Variants in PF4V1 observed in about 807,000 individuals in gnomAD.
The protein encoded by PF4V1 is platelet factor 4 variant 1, also known as platelet factor 4 variant.
In PF4V1, 4 loss-of-function variants were observed where a neutral mutation model predicts 6.9. That is an observed-to-expected ratio of 0.58 (90% CI 0.29 to 1.34). The LOEUF is 1.34. PF4V1 is among the 40% of genes most tolerant of loss of function. PF4V1 has a pLI of 0.09. For missense variants in PF4V1, 127 were observed against 128.6 expected (o/e 0.99, Z 0.06); for synonymous variants, 68 against 55.9 (o/e 1.22, Z -0.97).
At position 73,853,420 on chromosome 4, in the gene PF4V1, T is replaced by C. The variant is rs1467790690; in HGVS notation, c.58T>C (p.Leu20=). ...TRATRQEMLF[L]ALLLLPVVVA... is the part of the protein sequence containing the mutation. Reference sequence around the variant, plus strand: ...CGCCACCCGCCAGGAGATGCTGTTCTTGGCGTTGCTGCTCCTGCCAGTTGT... The same window carrying C: ...CGCCACCCGCCAGGAGATGCTGTTCCTGGCGTTGCTGCTCCTGCCAGTTGT... Residue 20 remains leucine, a synonymous_variant, in exon 1 of 3, where the codon TTG becomes CTG. Transcript: ENST00000226524. 4 of 1,614,158 alleles carry C rather than the reference T, an allele frequency of 2.5e-6. No homozygotes were observed. The highest frequency in any genetic ancestry group is 3.4e-6 in the Non-Finnish European group (4 of 1,180,008).
chr4:73,854,024 T>C lies in PF4V1; in HGVS notation c.228-11T>C. On this transcript the variant is annotated splice_polypyrimidine_tract_variant and intron_variant, in intron 2 of 2. Transcript: ENST00000226524. ...GACTGAAAGTCACGTCTCTTCTCTTTTCCCTGCCAGAGCCACGCTGAAGAA... is the reference window on the plus strand; with the variant it reads ...GACTGAAAGTCACGTCTCTTCTCTTCTCCCTGCCAGAGCCACGCTGAAGAA... The C allele has an allele frequency of 6.2e-7, 1 of 1,614,038 alleles. No homozygotes were observed. The highest frequency in any genetic ancestry group is 1.1e-5 in the South Asian group (1 of 91,084).
At chr4:73,853,602 AGG>A in intron 1 of PF4V1, 140 bp downstream of exon 1, 1 of 1,265,844 alleles carries the variant, frequency 7.9e-7, no homozygotes, top group South Asian at 1.4e-5. Context: ...GTACAGTGCC[AGG>A]CACTGCACGT....
In PF4V1 at chr4:73,853,371, C is replaced by G. The variant is rs185136037; in HGVS notation, c.9C>G (p.Ser3=). The G allele has an allele frequency of 6.2e-7, 1 of 1,613,728 alleles. No individual in the cohort carries two copies. Among genetic ancestry groups the G allele is most frequent in the Non-Finnish European group, 8.5e-7 (1 of 1,179,780 alleles). The change falls in exon 1 of 3, where the codon TCC becomes TCG. Residue 3 remains serine, a synonymous_variant. Coordinates refer to ENST00000226524, the MANE Select transcript of PF4V1 (RefSeq NM_002620.4). ...GGAACCTCAGCTGCAACATGAGCTC[C>G]GCAGCCAGGTCCCGCCTCACCCGCG... MS[S]AARSRLTRAT...
Position 73,853,385 on chromosome 4 carries a change from G to T in PF4V1, c.23G>T (p.Arg8Leu), listed in dbSNP as rs1427676218. MSSAARSRLTRATRQEML... is the reference protein window; with the variant it reads MSSAARSLLTRATRQEML... ...AACATGAGCTCCGCAGCCAGGTCCC[G>T]CCTCACCCGCGCCACCCGCCAGGAG... The change falls in exon 1 of 3, where the codon CGC (arginine) becomes CTC (leucine). Residue 8 changes from arginine (R) to leucine (L), a missense_variant. Physicochemically the swap from Arg to Leu is moderately radical, Grantham distance 102. Coordinates refer to ENST00000226524, the MANE Select transcript of PF4V1 (RefSeq NM_002620.4). 1.2e-6 allele frequency: 2 copies of T among 1,614,026 alleles called. No individual in the cohort carries two copies. Among genetic ancestry groups the T allele is most frequent in the African/African-American group, 1.3e-5 (1 of 75,054 alleles).
At chr4:73,854,010 A>T in intron 2 of PF4V1, 25 bp from the exon 3 acceptor site, 1 of 1,613,542 alleles carries the variant, frequency 6.2e-7, no homozygotes, top group East Asian at 2.2e-5. Context: ...ACTGAAAGTC[A>T]CGTCTCTTCT....
rs1296482146 is a variant in PF4V1 at position 73,854,092 on chromosome 4, G to C, written c.285G>C (p.Lys95Asn). 6.2e-7 allele frequency: 1 copy of C among 1,614,130 alleles called. No homozygotes were observed. The stretch of plus-strand genomic sequence containing the variant: ...TGGATCTGCAAGCCCTGCTGTACAA[G>C]AAAATCATTAAGGAACATTTGGAGA... Reference protein sequence around the residue: ...ICLDLQALLYKKIIKEHLES With the variant: ...ICLDLQALLYNKIIKEHLES Residue 95 changes from lysine (K) to asparagine (N), a missense_variant, in exon 3 of 3, where the codon AAG becomes AAC. By Grantham distance (94) the Lys-to-Asn change is moderately conservative. Coordinates refer to ENST00000226524, the MANE Select transcript of PF4V1 (RefSeq NM_002620.4).
intron 2 of PF4V1, 23 bp from the exon 3 acceptor site, chr4:73,854,012 G>C (rs2233654): frequency 6.2e-7 from 1 of 1,611,908 alleles, no homozygotes; most frequent in Admixed American, 1.7e-5. Context: ...TGAAAGTCAC[G>C]TCTCTTCTCT....
At position 73,854,049 on chromosome 4, in the gene PF4V1, A is replaced by T. The variant is rs752224215; in HGVS notation, c.242A>T (p.Asn81Ile). ...PTAQLIATLK[N>I]GRKICLDLQA... ...TTCCCTGCCAGAGCCACGCTGAAGA[A>T]TGGGAGGAAAATTTGCTTGGATCTG... Residue 81 changes from asparagine to isoleucine, a missense_variant, in exon 3 of 3, where the codon AAT becomes ATT. Asn to Ile is a moderately radical substitution (Grantham distance 149). Transcript: ENST00000226524. The T allele has an allele frequency of 3.1e-6, 5 of 1,614,180 alleles. No individual in the cohort carries two copies. In the Admixed American group the frequency reaches 6.7e-5, roughly 22 times the overall value.
chr4:73,854,481 T>C lies in PF4V1; in HGVS notation c.*359T>C, dbSNP rs75241206. Among the ~76,000 whole-genome samples the C allele has an allele frequency of 4.4e-3, 458 of 104,926 alleles. No homozygotes were observed. The highest frequency in any genetic ancestry group is 6.9e-3 in the Non-Finnish European group (350 of 50,886). 68.8% of individuals were successfully genotyped at this position (104,926 alleles called of 152,430 possible). A position where few individuals can be genotyped will look rare whatever the true frequency, so the allele number is the denominator to read the frequency against. ...AATAAATATTAGTAGCTCTTAAGCATTACTCGACAGCTTTTTTTTTTTTCA... is the reference window on the plus strand; with the variant it reads ...AATAAATATTAGTAGCTCTTAAGCACTACTCGACAGCTTTTTTTTTTTTCA... On this transcript the variant is annotated 3_prime_UTR_variant, in exon 3 of 3. Transcript: ENST00000226524.
At position 73,853,433 on chromosome 4, in the gene PF4V1, T is replaced by G; in HGVS notation, c.71T>G (p.Leu24Arg). The G allele has an allele frequency of 1.2e-6, 2 of 1,614,000 alleles. No homozygotes were observed. The highest frequency in any genetic ancestry group is 1.7e-6 in the Non-Finnish European group (2 of 1,179,976). The change falls in exon 1 of 3, where the codon CTC becomes CGC. Residue 24 changes from leucine (L) to arginine (R), a missense_variant. By Grantham distance (102) the Leu-to-Arg change is moderately radical (BLOSUM62 -2). Transcript: ENST00000226524. The stretch of plus-strand genomic sequence containing the variant: ...GAGATGCTGTTCTTGGCGTTGCTGC[T>G]CCTGCCAGTTGTGGTCGCCTTCGCC... Reference protein sequence around the residue: ...RQEMLFLALLLLPVVVAFARA... With the variant: ...RQEMLFLALLRLPVVVAFARA...
intron 1 of PF4V1, among the ~76,000 whole-genome samples, 157 bp from the exon 2 acceptor site, chr4:73,853,626 C>T (rs970412855): frequency 1.3e-5 from 2 of 152,222 alleles, no homozygotes; most frequent in Non-Finnish European, 2.9e-5. Flanking sequence ...CACCTCGCCA[C>T]CTGATCAGCA....
intron 1 of PF4V1, 144 bp downstream of exon 1, chr4:73,853,606 A>C: frequency 1.6e-6 from 2 of 1,272,046 alleles, no homozygotes; most frequent in Non-Finnish European, 1.1e-6. Flanking sequence ...AGTGCCAGGC[A>C]CTGCACGTGC....
At chr4:73,853,760 T>A (rs771856997) in intron 1 of PF4V1, 23 bp from the exon 2 acceptor site, 18 of 1,595,672 alleles carry the variant, frequency 1.1e-5, no homozygotes, top group Non-Finnish European at 1.5e-5. Flanking sequence ...CCTCCTCTCT[T>A]ACTCCCTCCC....
chr4:73,854,193 T>C lies in PF4V1; in HGVS notation c.*71T>C. On this transcript the variant is annotated 3_prime_UTR_variant, in exon 3 of 3. Transcript: ENST00000226524. The stretch of plus-strand genomic sequence containing the variant: ...TCTTCTGATGTTTGTATTATCCTTC[T>C]TATATTATATTAACGAAATAAATCA... 2 of 1,033,904 alleles carry C rather than the reference T, an allele frequency of 1.9e-6. No individual in the cohort carries two copies. The highest frequency in any genetic ancestry group is 2.9e-5 in the South Asian group (2 of 68,354). The allele number at this position is 1,033,904 out of a possible 1,614,324, so 64.0% of individuals were successfully genotyped here. A position where few individuals can be genotyped will look rare whatever the true frequency, so the allele number is the denominator to read the frequency against.
At position 73,853,355 on chromosome 4, in the gene PF4V1, G is replaced by A; in HGVS notation, c.-8G>A. Reference sequence around the variant, plus strand: ...GCACTGGGATCCTGCTGGAACCTCAGCTGCAACATGAGCTCCGCAGCCAGG... The same window carrying A: ...GCACTGGGATCCTGCTGGAACCTCAACTGCAACATGAGCTCCGCAGCCAGG... On this transcript the variant is annotated 5_prime_UTR_variant, in exon 1 of 3. Transcript: ENST00000226524. 6.2e-7 allele frequency: 1 copy of A among 1,613,102 alleles called. No homozygotes were observed. The highest frequency in any genetic ancestry group is 8.5e-7 in the Non-Finnish European group (1 of 1,179,122).
chr4:73,853,478 A>G lies in PF4V1; in HGVS notation c.100+16A>G. 6.3e-7 allele frequency: 1 copy of G among 1,594,908 alleles called. No homozygotes were observed. ...TTCGCCAGAGGTGAGAGCAGAAACC[A>G]GGCTGGGAGGGCCAGCAGCGGCGAG... On this transcript the variant is annotated intron_variant, in intron 1 of 2. Transcript: ENST00000226524.
In PF4V1 at chr4:73,854,056, G is replaced by A; in HGVS notation, c.249G>A (p.Arg83=). 2 of 1,614,192 alleles carry A rather than the reference G, an allele frequency of 1.2e-6. No homozygotes were observed. Among genetic ancestry groups the A allele is most frequent in the South Asian group, 1.1e-5 (1 of 91,086 alleles). The stretch of plus-strand genomic sequence containing the variant: ...CCAGAGCCACGCTGAAGAATGGGAG[G>A]AAAATTTGCTTGGATCTGCAAGCCC... The part of the protein sequence containing the change: ...AQLIATLKNG[R]KICLDLQALL... Residue 83 remains arginine, a synonymous_variant, in exon 3 of 3, where the codon AGG becomes AGA. Transcript: ENST00000226524.
Position 73,854,154 on chromosome 4 carries a change from T to C in PF4V1, c.*32T>C. 7.0e-7 allele frequency: 1 copy of C among 1,434,488 alleles called. No homozygotes were observed. The highest frequency in any genetic ancestry group is 9.8e-7 in the Non-Finnish European group (1 of 1,018,024). 88.9% of individuals were successfully genotyped at this position (1,434,488 alleles called of 1,614,324 possible). ...GCTGCCTAAGTGTGCACTTTCAATC[T>C]AACTGTGAAAGAATCTTCTGATGTT... is the stretch of plus-strand genomic sequence containing the variant. On this transcript the variant is annotated 3_prime_UTR_variant, in exon 3 of 3. Coordinates refer to ENST00000226524, the MANE Select transcript of PF4V1 (RefSeq NM_002620.4).
At position 73,853,466 on chromosome 4, in the gene PF4V1, A is replaced by G; in HGVS notation, c.100+4A>G. 6.2e-7 allele frequency: 1 copy of G among 1,608,984 alleles called. No individual in the cohort carries two copies. The highest frequency in any genetic ancestry group is 8.5e-7 in the Non-Finnish European group (1 of 1,177,514). ...GTTGTGGTCGCCTTCGCCAGAGGTG[A>G]GAGCAGAAACCAGGCTGGGAGGGCC... is the stretch of plus-strand genomic sequence containing the variant. On this transcript the variant is annotated splice_donor_region_variant and intron_variant, in intron 1 of 2. Transcript: ENST00000226524.
Sources: gnomAD v4.1 joint callset for allele counts (sites outside exome capture counted in the v4.1 genomes callset) on GRCh38, gnomAD v4.1.1 for gene constraint, MANE v1.5 for transcripts, NCBI Gene and HGNC (gene_info 2026-07-23, HGNC 2026-07-21) for gene names.